Variants in MSRA observed in about 807,000 individuals in gnomAD.
The protein encoded by MSRA is mitochondrial peptide methionine sulfoxide reductase.
MSRA carries 54 observed loss-of-function variants against 31.3 expected under a neutral mutation model. That is an observed-to-expected ratio of 1.73 (90% CI 1.39 to 2.17). The LOEUF (loss-of-function observed/expected upper bound fraction) is 2.17. MSRA is among the 30% of genes most tolerant of loss of function. The pLI, the probability that MSRA is intolerant of heterozygous loss-of-function variation, is 0.00. For missense variants in MSRA, 507 were observed against 300.9 expected (o/e 1.69, Z -5.07); for synonymous variants, 169 against 116.5 (o/e 1.45, Z -2.90).
chr8:10,417,444 ACATACG>A (rs1386911391), intron 5 of MSRA, among the ~76,000 whole-genome samples: 1 of 151,734 alleles, frequency 6.6e-6, no homozygotes, highest in African/African-American at 2.4e-5. Context: ...ACACACACAC[ACATACG>A]CACACTCCAT....
intron 3 of MSRA, among the ~76,000 whole-genome samples, chr8:10,252,756 T>A (rs1452274676): frequency 6.6e-6 from 1 of 152,226 alleles, no homozygotes; most frequent in African/African-American, 2.4e-5. Context: ...GGTACGCACC[T>A]GCTCCAGTTT....
At chr8:10,209,772 CA>C (rs1336422823) in intron 2 of MSRA, among the ~76,000 whole-genome samples, 1 of 152,186 alleles carries the variant, frequency 6.6e-6, no homozygotes, top group Non-Finnish European at 1.5e-5. Flanking sequence ...GCTCTTGGAG[CA>C]GGGGGCAGCC....
intron 5 of MSRA, among the ~76,000 whole-genome samples, chr8:10,420,932 A>T (rs1808776655): frequency 1.3e-5 from 2 of 152,018 alleles, no homozygotes; most frequent in African/African-American, 4.8e-5. Flanking sequence ...GAGAGGTCCA[A>T]GCTGCACTGA....
intron 1 of MSRA, among the ~76,000 whole-genome samples, chr8:10,082,168 A>G (rs1301978996): frequency 1.3e-5 from 2 of 152,148 alleles, no homozygotes; most frequent in African/African-American, 4.8e-5. Context: ...TGGTGCCACT[A>G]TACTCCAGTC....
At chr8:10,224,091 G>C (rs1810769973) in intron 2 of MSRA, among the ~76,000 whole-genome samples, 1 of 152,282 alleles carries the variant, frequency 6.6e-6, no homozygotes, top group South Asian at 2.1e-4. Context: ...GGTCTAAATG[G>C]TGTAGAATAT....
chr8:10,060,523 T>G (rs1802652882), intron 1 of MSRA, among the ~76,000 whole-genome samples: 2 of 152,220 alleles, frequency 1.3e-5, no homozygotes, highest in South Asian at 4.1e-4. Context: ...GTAACTTGCT[T>G]CTTGTAATGT....
chr8:10,132,838 G>A (rs944888258), intron 1 of MSRA, among the ~76,000 whole-genome samples: 1 of 152,196 alleles, frequency 6.6e-6, no homozygotes, highest in Non-Finnish European at 1.5e-5. Context: ...TGCAGAGTAG[G>A]TACACAAAGG....
intron 1 of MSRA, among the ~76,000 whole-genome samples, chr8:10,115,451 G>C (rs1800608299): frequency 6.6e-6 from 1 of 152,198 alleles, no homozygotes; most frequent in South Asian, 2.1e-4. Context: ...CACCTTCAGA[G>C]GGAGCAGGGC....
At chr8:10,105,856 T>G (rs1258693002) in intron 1 of MSRA, among the ~76,000 whole-genome samples, 1 of 152,196 alleles carries the variant, frequency 6.6e-6, no homozygotes, top group African/African-American at 2.4e-5. Flanking sequence ...ACCCACCTAA[T>G]CTTCCAAATC....
chr8:10,070,526 T>G (rs1309070923), intron 1 of MSRA, among the ~76,000 whole-genome samples: 1 of 152,206 alleles, frequency 6.6e-6, no homozygotes, highest in African/African-American at 2.4e-5. Context: ...GTTTCCTCAG[T>G]GGTACATCTT....
chr8:10,422,908 A>G (rs912080249), intron 5 of MSRA, among the ~76,000 whole-genome samples: 1 of 152,226 alleles, frequency 6.6e-6, no homozygotes, highest in Non-Finnish European at 1.5e-5. Flanking sequence ...TCCATCCCCA[A>G]AAGTGGCCCC....
intron 5 of MSRA, among the ~76,000 whole-genome samples, chr8:10,396,477 G>A (rs1807105523): frequency 6.6e-6 from 1 of 152,188 alleles, no homozygotes; most frequent in African/African-American, 2.4e-5. Context: ...GATAGAAAAT[G>A]GATTTTTGAA....
chr8:10,306,527 G>C (rs1033282635), intron 4 of MSRA, among the ~76,000 whole-genome samples: 2 of 151,846 alleles, frequency 1.3e-5, no homozygotes, highest in Non-Finnish European at 2.9e-5. Context: ...GCATTGGTTG[G>C]AAAGAGTTCA....
At chr8:10,075,425 GTGTA>G (rs1173810997) in intron 1 of MSRA, among the ~76,000 whole-genome samples, 1 of 152,192 alleles carries the variant, frequency 6.6e-6, no homozygotes, top group Non-Finnish European at 1.5e-5. Flanking sequence ...TATTACGACT[GTGTA>G]TGTGTGTCCA....
At chr8:10,066,754 C>A (rs998137311) in intron 1 of MSRA, among the ~76,000 whole-genome samples, 1 of 151,850 alleles carries the variant, frequency 6.6e-6, no homozygotes, top group South Asian at 2.1e-4. Context: ...GGGCTGGTCT[C>A]GAACTCCTGA....
intron 4 of MSRA, among the ~76,000 whole-genome samples, chr8:10,317,069 G>C (rs1420940708): frequency 1.3e-5 from 2 of 152,168 alleles, no homozygotes; most frequent in East Asian, 3.9e-4. Flanking sequence ...GAATGTGGAG[G>C]TCATGCTAGT....
chr8:10,297,311 A>G (rs972266778), intron 3 of MSRA, among the ~76,000 whole-genome samples: 5 of 152,146 alleles, frequency 3.3e-5, no homozygotes, highest in Admixed American at 1.3e-4. Flanking sequence ...CTTAGAGAGG[A>G]CATCATCCTT....
chr8:10,335,058 C>T (rs1802945709), intron 5 of MSRA, among the ~76,000 whole-genome samples: 1 of 152,168 alleles, frequency 6.6e-6, no homozygotes, highest in Non-Finnish European at 1.5e-5. Context: ...GAGGCCTGGG[C>T]ATGGTGCGTT....
rs114285995 is a variant in MSRA at position 10,082,664 on chromosome 8, G to A, written c.142+28006G>A. On this transcript the variant is annotated intron_variant, in intron 1 of 5. Transcript: ENST00000317173. ...AACCTTGGAGGTTGGACTACATGTC[G>A]AACCAAACAGGCAAGAGGAAGTGGT... Among the ~76,000 whole-genome samples the A allele has an allele frequency of 9.2e-3, 1,395 of 152,184 alleles. 22 individuals are homozygous for A. Among genetic ancestry groups the A allele is most frequent in the African/African-American group, 0.03 (1,252 of 41,508 alleles).
Sources: allele counts gnomAD v4.1 joint callset (sites outside exome capture counted in the v4.1 genomes callset), GRCh38; gene constraint gnomAD v4.1.1; transcripts MANE v1.5; gene names NCBI Gene and HGNC (gene_info 2026-07-23, HGNC 2026-07-21).